LRP1B: variants seen among roughly 807,000 people sequenced by gnomAD.
LRP1B encodes the protein low-density lipoprotein receptor-related protein 1B.
LRP1B carries 217 observed loss-of-function variants against 556.6 expected under a neutral mutation model. The observed-to-expected ratio is 0.39, with a 90% CI of 0.35 to 0.44. The LOEUF (loss-of-function observed/expected upper bound fraction) is 0.44, where lower values mean the gene tolerates loss of function less well. LRP1B is among the 20% of genes least tolerant of loss of function. LRP1B has a pLI of 1.00. For synonymous variants in LRP1B, 2,047 were observed against 1,865.8 expected (o/e 1.10, Z -2.50); for missense variants, 5,053 against 5,620.8 (o/e 0.90, Z 3.23).
intron 69 of LRP1B, among the ~76,000 whole-genome samples, 154 bp downstream of exon 69, chr2:140,372,850 GCACA>G (rs1175695645): frequency 6.6e-6 from 1 of 152,008 alleles, no homozygotes; most frequent in African/African-American, 2.4e-5. Flanking sequence ...AACATATGAA[GCACA>G]CACTAATTAA....
intron 2 of LRP1B, among the ~76,000 whole-genome samples, chr2:141,786,336 A>C (rs1330567720): frequency 6.6e-6 from 1 of 151,962 alleles, no homozygotes; most frequent in African/African-American, 2.4e-5. Flanking sequence ...TGGGGATTAT[A>C]GAGAAAGGAG....
chr2:142,077,124 T>A (rs1311089077), intron 1 of LRP1B, among the ~76,000 whole-genome samples: 1 of 152,132 alleles, frequency 6.6e-6, no homozygotes, highest in East Asian at 1.9e-4. Context: ...ACAATAATGA[T>A]AATAATAAGT....
chr2:141,286,640 G>A (rs909985775), intron 3 of LRP1B: 3 of 305,136 alleles, frequency 9.8e-6, no homozygotes, highest in South Asian at 2.4e-5. Flanking sequence ...ATCTTTAATC[G>A]ATACAAGAGA....
rs1277296806 is a variant in LRP1B, at chr2:140,850,085, A to G, written c.4939+17T>C. 1.4e-6 allele frequency: 2 copies of G among 1,463,146 alleles called. No individual in the cohort carries two copies. Among genetic ancestry groups the G allele is most frequent in the African/African-American group, 2.8e-5 (2 of 71,510 alleles). The allele number at this position is 1,463,146 out of a possible 1,614,324, so 90.6% of individuals were successfully genotyped here. On this transcript the variant is annotated intron_variant, in intron 29 of 90. Transcript: ENST00000389484. ...TAACAAACACTTTTAAAGTTGTAAC[A>G]TGTACGAATCTTTTACCTCTTGAAA...
At chr2:140,642,847 AAAAC>A (rs200226632) in intron 41 of LRP1B, among the ~76,000 whole-genome samples, 6,779 of 152,138 alleles carry the variant, frequency 0.045, 185 homozygotes, top group Middle Eastern at 0.065. Flanking sequence ...CTGTCTCAGA[AAAAC>A]AAACAAACAA....
chr2:141,610,976 C>T (rs765665195), intron 2 of LRP1B, among the ~76,000 whole-genome samples: 45 of 152,164 alleles, frequency 3.0e-4, no homozygotes, highest in Non-Finnish European at 5.4e-4. Flanking sequence ...ACTGGAACAC[C>T]ACCTCCTATG....
intron 3 of LRP1B, among the ~76,000 whole-genome samples, chr2:141,268,767 A>G (rs1310892916): frequency 6.6e-6 from 1 of 152,200 alleles, no homozygotes; most frequent in African/African-American, 2.4e-5. Context: ...AAGAGACTGA[A>G]CTAGATAATT....
At chr2:142,006,711 C>G (rs958436470) in intron 1 of LRP1B, among the ~76,000 whole-genome samples, 1 of 151,330 alleles carries the variant, frequency 6.6e-6, no homozygotes, top group Admixed American at 6.6e-5. Flanking sequence ...TAGAGGGCTA[C>G]TTTTTTTTTC....
rs191298608 is a variant in LRP1B, at chr2:141,016,273, C to T, written c.1971-358G>A. Among the ~76,000 whole-genome samples, 29 of 152,078 alleles carry T rather than the reference C, an allele frequency of 1.9e-4. 1 individual carries two copies. The highest frequency in any genetic ancestry group is 1.9e-3 in the Admixed American group (29 of 15,266). On this transcript the variant is annotated intron_variant, in intron 12 of 90. Coordinates refer to ENST00000389484, the MANE Select transcript of LRP1B (RefSeq NM_018557.3). ...GGTCATTACTATTTTAAATGTTGTCCACTTCAAAAAGTATATAATCAATTA... is the reference window on the plus strand; with the variant it reads ...GGTCATTACTATTTTAAATGTTGTCTACTTCAAAAAGTATATAATCAATTA...
intron 41 of LRP1B, among the ~76,000 whole-genome samples, chr2:140,614,084 C>T (rs991374186): frequency 6.6e-6 from 1 of 152,030 alleles, no homozygotes; most frequent in Admixed American, 6.6e-5. Context: ...TTTACCCTGA[C>T]AAATTATTTA....
chr2:141,152,648 C>G (rs561892726), intron 7 of LRP1B, among the ~76,000 whole-genome samples: 1 of 151,800 alleles, frequency 6.6e-6, no homozygotes, highest in African/African-American at 2.4e-5. Context: ...TTATCAATTT[C>G]TTTGCTAAAG....
chr2:141,742,552 C>T (rs763665262), intron 2 of LRP1B, among the ~76,000 whole-genome samples: 1 of 152,078 alleles, frequency 6.6e-6, no homozygotes, highest in Non-Finnish European at 1.5e-5. Flanking sequence ...CCACGCCTGG[C>T]CTCCAGTTCT....
At position 141,504,226 on chromosome 2, in the gene LRP1B, T is replaced by TA. The variant is rs200226480; in HGVS notation, c.206-23694dup. 5.8e-3 allele frequency among the ~76,000 whole-genome samples: 888 copies of TA among 152,280 alleles called. 8 individuals are homozygous for TA. Among genetic ancestry groups the TA allele is most frequent in the African/African-American group, 0.019 (795 of 41,564 alleles). ...GGCTTATTTATAGTGCTGTGGCACT[T>TA]AAAGACTGTAAGTTCTCCAAGGGCA... On this transcript the variant is annotated intron_variant, in intron 2 of 90. Transcript: ENST00000389484.
intron 2 of LRP1B, among the ~76,000 whole-genome samples, chr2:141,523,843 T>C (rs533860918): frequency 6.6e-6 from 1 of 152,304 alleles, no homozygotes; most frequent in Non-Finnish European, 1.5e-5. Context: ...TGTCTTACGA[T>C]TCATGGATTC....
At chr2:141,332,761 T>C (rs1687704365) in intron 3 of LRP1B, among the ~76,000 whole-genome samples, 1 of 150,456 alleles carries the variant, frequency 6.6e-6, no homozygotes, top group Non-Finnish European at 1.5e-5. Flanking sequence ...TTACAGTTAC[T>C]GCATGTTCCC....
intron 66 of LRP1B, among the ~76,000 whole-genome samples, chr2:140,416,974 A>G (rs1558867748): frequency 6.6e-6 from 1 of 152,102 alleles, no homozygotes; most frequent in African/African-American, 2.4e-5. Flanking sequence ...ACAGCAGAAG[A>G]CTCTAGGACT....
chr2:141,155,234 T>C (rs1340452626), intron 7 of LRP1B, among the ~76,000 whole-genome samples: 1 of 151,778 alleles, frequency 6.6e-6, no homozygotes, highest in Non-Finnish European at 1.5e-5. Flanking sequence ...TTGGAAAATA[T>C]ATACATTAGT....
intron 66 of LRP1B, among the ~76,000 whole-genome samples, chr2:140,418,743 T>C (rs911603326): frequency 3.3e-5 from 5 of 151,964 alleles, no homozygotes; most frequent in African/African-American, 1.2e-4. Flanking sequence ...GAGTTGTATA[T>C]TTACTTCATT....
intron 3 of LRP1B, among the ~76,000 whole-genome samples, chr2:141,364,639 CT>C (rs1445081850): frequency 9.9e-5 from 15 of 152,092 alleles, no homozygotes; most frequent in African/African-American, 3.4e-4. Context: ...AGATGTTTTA[CT>C]TTATAAATTC....
Sources: gnomAD v4.1 joint callset for allele counts (sites outside exome capture counted in the v4.1 genomes callset) on GRCh38, gnomAD v4.1.1 for gene constraint, MANE v1.5 for transcripts, NCBI Gene and HGNC (gene_info 2026-07-23, HGNC 2026-07-21) for gene names.